The following CATSPER3 variants were observed in gnomAD, a reference collection of about 807,000 sequenced individuals.
The protein encoded by CATSPER3 is cation channel sperm associated 3.
Under a neutral mutation model 36.6 loss-of-function variants are expected in CATSPER3, and 23 were observed. That is an observed-to-expected ratio of 0.63 (90% confidence interval 0.45 to 0.89). CATSPER3 has a LOEUF of 0.89. CATSPER3 is among the 40% of genes least tolerant of loss of function. CATSPER3 has a pLI of 0.00. For missense variants in CATSPER3, 474 were observed against 503.9 expected (o/e 0.94, Z 0.57); for synonymous variants, 172 against 184.1 (o/e 0.93, Z 0.53).
At chr5:135,004,023 A>G (rs1752054120) in intron 3 of CATSPER3, among the ~76,000 whole-genome samples, 1 of 152,194 alleles carries the variant, frequency 6.6e-6, no homozygotes, top group East Asian at 1.9e-4. Context: ...AAATGCAGAA[A>G]TTACCCATCT....
At chr5:134,969,103 A>G (rs2149544182) in intron 1 of CATSPER3, 1 of 152,356 alleles carries the variant, frequency 6.6e-6, no homozygotes, top group Non-Finnish European at 1.5e-5. Flanking sequence ...ACATACCATA[A>G]TTTACTTACA....
intron 2 of CATSPER3, among the ~76,000 whole-genome samples, chr5:134,995,002 C>A (rs1479720063): frequency 6.6e-6 from 1 of 150,610 alleles, no homozygotes; most frequent in Non-Finnish European, 1.5e-5. Context: ...TCCCTCCCTT[C>A]CTTCATCCCT....
intron 3 of CATSPER3, among the ~76,000 whole-genome samples, chr5:135,006,661 T>C (rs1000449905): frequency 4.0e-5 from 6 of 151,354 alleles, no homozygotes; most frequent in Non-Finnish European, 7.4e-5. Context: ...ACGTGAAACC[T>C]CATCTCTACT....
chr5:135,001,697 A>T (rs1223846171), intron 3 of CATSPER3, among the ~76,000 whole-genome samples: 2 of 152,114 alleles, frequency 1.3e-5, no homozygotes, highest in Non-Finnish European at 2.9e-5. Context: ...TGTTGAATTG[A>T]TCCCTTTACC....
Position 134,975,395 on chromosome 5 carries a change from C to CAAACA in CATSPER3, c.252+5306_252+5307insCAAAA, listed in dbSNP as rs386405032. On this transcript the variant is annotated intron_variant, in intron 2 of 7. Coordinates refer to ENST00000282611, the MANE Select transcript of CATSPER3 (RefSeq NM_178019.3). ...TTATAAAAAAAGACAAACAAACAAA[C>CAAACA]AAAAAAAACCCAGGCAACATAGTGA... is the stretch of plus-strand genomic sequence containing the variant. The CAAACA allele has an allele frequency of 1.1e-4, 17 of 151,358 alleles. No individual in the cohort carries two copies. The East Asian group carries it at 1.5e-3, about 14-fold the overall frequency. 9.4% of individuals were successfully genotyped at this position (151,358 alleles called of 1,614,324 possible).
At chr5:135,008,176 T>C (rs1752115910) in intron 4 of CATSPER3, 37 bp downstream of exon 4, 2 of 1,567,402 alleles carry the variant, frequency 1.3e-6, no homozygotes, top group Admixed American at 3.3e-5. Flanking sequence ...GGCAGGGGCC[T>C]TAGGAAGGGA....
chr5:134,973,074 A>G (rs781220552), intron 2 of CATSPER3, among the ~76,000 whole-genome samples: 1 of 152,232 alleles, frequency 6.6e-6, no homozygotes, highest in Non-Finnish European at 1.5e-5. Context: ...AGACAAATTC[A>G]TCAATATTCA....
At chr5:134,995,808 G>A (rs188238887) in intron 2 of CATSPER3, 10 of 219,352 alleles carry the variant, frequency 4.6e-5, no homozygotes, top group East Asian at 2.0e-4. Flanking sequence ...AAGAAGATTC[G>A]TTCATAAAGT....
chr5:134,990,710 GC>G (rs978655592), intron 2 of CATSPER3, among the ~76,000 whole-genome samples: 3 of 152,212 alleles, frequency 2.0e-5, no homozygotes, highest in African/African-American at 7.2e-5. Context: ...CAATAGACTT[GC>G]TTGATGTAGG....
At position 135,011,481 on chromosome 5, in the gene CATSPER3, T is replaced by C. The variant is rs7719733; in HGVS notation, c.1095-40T>C. The stretch of plus-strand genomic sequence containing the variant: ...GGGCCAGGGGGTCCTGGAGCCTGCC[T>C]CTGACCTCAGATCTTATCTCCTCCT... On this transcript the variant is annotated intron_variant, in intron 7 of 7. Coordinates refer to ENST00000282611, the MANE Select transcript of CATSPER3 (RefSeq NM_178019.3). The C allele has an allele frequency of 0.011, 16,202 of 1,503,846 alleles. 1,340 individuals carry two copies. In the African/African-American group the frequency reaches 0.19, roughly 17 times the overall value. 93.2% of individuals were successfully genotyped at this position (1,503,846 alleles called of 1,614,324 possible).
intron 3 of CATSPER3, among the ~76,000 whole-genome samples, chr5:134,996,794 C>T (rs955676731): frequency 3.9e-5 from 6 of 152,224 alleles, no homozygotes; most frequent in South Asian, 2.1e-4. Flanking sequence ...CCAGAGGCCA[C>T]GTCTGAACTT....
chr5:134,968,294 T>G, intron 1 of CATSPER3: 1 of 563,658 alleles, frequency 1.8e-6, no homozygotes, highest in Non-Finnish European at 3.2e-6. Flanking sequence ...AATGACCAGT[T>G]TGACCAGTTT....
At chr5:135,000,025 G>T (rs1157631687) in intron 3 of CATSPER3, among the ~76,000 whole-genome samples, 1 of 152,194 alleles carries the variant, frequency 6.6e-6, no homozygotes, top group Non-Finnish European at 1.5e-5. Flanking sequence ...TGCGCATTCA[G>T]TATGGTATCG....
chr5:134,972,827 T>G (rs1751622845), intron 2 of CATSPER3, among the ~76,000 whole-genome samples: 1 of 152,110 alleles, frequency 6.6e-6, no homozygotes, highest in Admixed American at 6.5e-5. Context: ...GTTTGAACAA[T>G]AAACACCAAA....
intron 3 of CATSPER3, among the ~76,000 whole-genome samples, chr5:135,005,684 A>G (rs902565053): frequency 3.3e-5 from 5 of 152,258 alleles, no homozygotes; most frequent in Non-Finnish European, 4.4e-5. Context: ...ACCCCTGATT[A>G]ATTAAAATGA....
intron 3 of CATSPER3, 30 bp from the exon 4 acceptor site, chr5:135,007,927 C>G (rs760167119): frequency 6.2e-7 from 1 of 1,608,512 alleles, no homozygotes; most frequent in Admixed American, 1.7e-5. Context: ...TGGTGGTACC[C>G]TCGCCTACCA....
Position 135,008,860 on chromosome 5 carries a change from T to C in CATSPER3, c.695T>C (p.Leu232Pro). Residue 232 changes from leucine (L) to proline (P), a missense_variant, in exon 5 of 8, where the codon CTG (leucine) becomes CCG (proline). Leu to Pro is a moderately conservative substitution (Grantham distance 98). Transcript: ENST00000282611. ...SLATVDGWTD[L>P]QKQLDNREFA... ...GAGCAGGTTGATGGCTGGACAGACC[T>C]GCAGAAGCAGTTGGACAATCGGGAA... is the stretch of plus-strand genomic sequence containing the variant. 2 of 1,614,170 alleles carry C rather than the reference T, an allele frequency of 1.2e-6. No homozygotes were observed. The highest frequency in any genetic ancestry group is 1.7e-6 in the Non-Finnish European group (2 of 1,180,036).
At chr5:135,007,329 C>G (rs1752101071) in intron 3 of CATSPER3, among the ~76,000 whole-genome samples, 1 of 152,154 alleles carries the variant, frequency 6.6e-6, no homozygotes, top group African/African-American at 2.4e-5. Context: ...CATTGAGTGA[C>G]TACTGCATGC....
At chr5:134,971,242 C>T (rs1751602768) in intron 2 of CATSPER3, among the ~76,000 whole-genome samples, 1 of 152,014 alleles carries the variant, frequency 6.6e-6, no homozygotes, top group South Asian at 2.1e-4. Context: ...AGCCACTGTG[C>T]CCGGCCCCTC....
Sources: gnomAD v4.1 joint callset for allele counts (sites outside exome capture counted in the v4.1 genomes callset) on GRCh38, gnomAD v4.1.1 for gene constraint, MANE v1.5 for transcripts, NCBI Gene and HGNC (gene_info 2026-07-23, HGNC 2026-07-21) for gene names.